The following ACSS3 variants were observed in gnomAD, a reference collection of about 807,000 sequenced individuals.
ACSS3 encodes the protein acyl-CoA synthetase short chain family member 3.
In ACSS3, 64 loss-of-function variants were observed where a neutral mutation model predicts 84.2. That is an observed-to-expected ratio of 0.76 (90% CI 0.62 to 0.94). The LOEUF (loss-of-function observed/expected upper bound fraction) is 0.94, where lower values mean the gene tolerates loss of function less well. ACSS3 is among the 40% of genes least tolerant of loss of function. The pLI, the probability that ACSS3 is intolerant of heterozygous loss-of-function variation, is 0.00. For synonymous variants in ACSS3, 317 were observed against 310.1 expected (o/e 1.02, Z -0.23); for missense variants, 815 against 867.6 (o/e 0.94, Z 0.76).
At chr12:81,187,786 A>C (rs889906561) in intron 8 of ACSS3, among the ~76,000 whole-genome samples, 1 of 151,974 alleles carries the variant, frequency 6.6e-6, no homozygotes, top group Non-Finnish European at 1.5e-5. Flanking sequence ...TAAAAATTTT[A>C]GTTTAGGAGG....
At chr12:81,141,696 G>C (rs35069036) in intron 4 of ACSS3, among the ~76,000 whole-genome samples, 51,848 of 151,990 alleles carry the variant, frequency 0.34, 11,156 homozygotes, top group Non-Finnish European at 0.48. Context: ...TCCTCAATTT[G>C]ATGTTTGTAT....
At chr12:81,114,945 T>G (rs1461464841) in intron 2 of ACSS3, among the ~76,000 whole-genome samples, 1 of 152,178 alleles carries the variant, frequency 6.6e-6, no homozygotes, top group Non-Finnish European at 1.5e-5. Flanking sequence ...TGATTGCTAT[T>G]CAGACATCTA....
intron 2 of ACSS3, chr12:81,125,812 C>A (rs1711594916): frequency 6.6e-6 from 1 of 152,184 alleles, no homozygotes; most frequent in Non-Finnish European, 1.5e-5. Flanking sequence ...CAAATTTAAA[C>A]GTGTCCAATG....
chr12:81,216,720 G>A (rs2032929378), intron 9 of ACSS3, among the ~76,000 whole-genome samples, 181 bp from the exon 10 acceptor site: 1 of 151,976 alleles, frequency 6.6e-6, no homozygotes, highest in South Asian at 2.1e-4. Flanking sequence ...TTAATACTGT[G>A]GATATGTTAT....
intron 9 of ACSS3, among the ~76,000 whole-genome samples, chr12:81,206,952 A>T (rs1441907217): frequency 2.6e-5 from 4 of 152,134 alleles, no homozygotes; most frequent in African/African-American, 7.2e-5. Flanking sequence ...ATCATTTTTT[A>T]AAAAATATAT....
intron 13 of ACSS3, among the ~76,000 whole-genome samples, chr12:81,249,109 G>A (rs1167318717): frequency 6.6e-6 from 1 of 151,958 alleles, no homozygotes; most frequent in East Asian, 1.9e-4. Context: ...GTGTTGATTA[G>A]TTTTTGAAAG....
At chr12:81,217,318 A>G (rs977605428) in intron 10 of ACSS3, among the ~76,000 whole-genome samples, 2 of 152,190 alleles carry the variant, frequency 1.3e-5, no homozygotes, top group Non-Finnish European at 2.9e-5. Flanking sequence ...ATGCTGAAGT[A>G]TATTTAATTC....
intron 8 of ACSS3, among the ~76,000 whole-genome samples, chr12:81,190,442 T>A (rs527345572): frequency 6.6e-6 from 1 of 152,218 alleles, no homozygotes; most frequent in Non-Finnish European, 1.5e-5. Flanking sequence ...AACATGTAAC[T>A]GTTTTTGTAT....
Position 81,258,084 on chromosome 12 carries a change from C to T in ACSS3, c.*3162C>T, listed in dbSNP as rs1312105151. ...AGAAAGCTACTTCTCATTGTTCCTACTCAGGCCACATTTTTAGAAAAAAAT... is the reference window on the plus strand; with the variant it reads ...AGAAAGCTACTTCTCATTGTTCCTATTCAGGCCACATTTTTAGAAAAAAAT... On this transcript the variant is annotated 3_prime_UTR_variant, in exon 16 of 16. Coordinates refer to ENST00000548058, the MANE Select transcript of ACSS3 (RefSeq NM_024560.4). The T allele has an allele frequency of 6.6e-6, 1 of 152,032 alleles. No homozygotes were observed. The highest frequency in any genetic ancestry group is 2.4e-5 in the African/African-American group (1 of 41,426). 9.4% of individuals were successfully genotyped at this position (152,032 alleles called of 1,614,324 possible).
At chr12:81,251,211 A>G (rs986914060) in intron 13 of ACSS3, among the ~76,000 whole-genome samples, 1 of 152,162 alleles carries the variant, frequency 6.6e-6, no homozygotes, top group African/African-American at 2.4e-5. Context: ...ATGGTTGCCA[A>G]GGGTTAGGGG....
intron 7 of ACSS3, among the ~76,000 whole-genome samples, chr12:81,172,299 T>C (rs1390872483): frequency 6.9e-6 from 1 of 145,080 alleles, no homozygotes; most frequent in African/African-American, 2.5e-5. Context: ...TCCATGCCCT[T>C]TTTTTTAGTG....
rs1344547405 is a variant in ACSS3, at chr12:81,259,265, A to C, written c.*4343A>C. On this transcript the variant is annotated 3_prime_UTR_variant, in exon 16 of 16. Coordinates refer to ENST00000548058, the MANE Select transcript of ACSS3 (RefSeq NM_024560.4). The stretch of plus-strand genomic sequence containing the variant: ...GAATTGTCAAATGTTTGCACTCGAG[A>C]CTCCATGAACCATATATTTTATTTT... The C allele has an allele frequency of 3.5e-6, 1 of 289,024 alleles. No individual in the cohort carries two copies. Among genetic ancestry groups the C allele is most frequent in the Middle Eastern group, 1.2e-3 (1 of 838 alleles). 17.9% of individuals were successfully genotyped at this position (289,024 alleles called of 1,614,324 possible). A position where few individuals can be genotyped will look rare whatever the true frequency, so the allele number is the denominator to read the frequency against.
At chr12:81,085,135 C>A (rs778337656) in intron 1 of ACSS3, among the ~76,000 whole-genome samples, 32 of 152,228 alleles carry the variant, frequency 2.1e-4, no homozygotes, top group Admixed American at 7.2e-4. Flanking sequence ...GTTTTGAAGC[C>A]TACTGCTCAA....
chr12:81,251,235 G>A (rs535855661), intron 13 of ACSS3, among the ~76,000 whole-genome samples: 15 of 152,278 alleles, frequency 9.9e-5, no homozygotes, highest in African/African-American at 3.6e-4. Flanking sequence ...GGGAAGGGAT[G>A]AATGAGCAGA....
At chr12:81,084,823 T>C (rs1204566672) in intron 1 of ACSS3, among the ~76,000 whole-genome samples, 3 of 152,186 alleles carry the variant, frequency 2.0e-5, no homozygotes, top group African/African-American at 7.2e-5. Context: ...ATCAAAAAAA[T>C]ATCTGCTGTG....
intron 7 of ACSS3, among the ~76,000 whole-genome samples, chr12:81,173,791 A>G (rs995812865): frequency 9.2e-5 from 14 of 152,142 alleles, no homozygotes; most frequent in Admixed American, 2.6e-4. Flanking sequence ...TCGAGAATTT[A>G]ATCACAGAGG....
chr12:81,105,020 A>C (rs781108449), intron 1 of ACSS3, among the ~76,000 whole-genome samples: 12 of 152,146 alleles, frequency 7.9e-5, no homozygotes, highest in Non-Finnish European at 1.6e-4. Context: ...CAGACCCGAG[A>C]TGTAATATAA....
Position 81,218,498 on chromosome 12 carries a change from A to G in ACSS3, c.1450+1502A>G, listed in dbSNP as rs117739268. ...TGGATCATTTGGTTTAACCTAGCAGATACATTTATAAAAAGATACTTCAGA... is the reference window on the plus strand; with the variant it reads ...TGGATCATTTGGTTTAACCTAGCAGGTACATTTATAAAAAGATACTTCAGA... On this transcript the variant is annotated intron_variant, in intron 10 of 15. Transcript: ENST00000548058. 2.3e-3 allele frequency among the ~76,000 whole-genome samples: 353 copies of G among 152,300 alleles called. 9 individuals are homozygous for G. In the South Asian group the frequency reaches 0.044, roughly 19 times the overall value.
rs551995752 is a variant in ACSS3 at position 81,154,562 on chromosome 12, A to G, written c.1098+2466A>G. ...GTCTTTTAGACCTTTGCCTGCTTCAACTATGCCATCTTTATTTTCTTCTCC... is the reference window on the plus strand; with the variant it reads ...GTCTTTTAGACCTTTGCCTGCTTCAGCTATGCCATCTTTATTTTCTTCTCC... On this transcript the variant is annotated intron_variant, in intron 7 of 15. Coordinates refer to ENST00000548058, the MANE Select transcript of ACSS3 (RefSeq NM_024560.4). Among the ~76,000 whole-genome samples the G allele has an allele frequency of 3.9e-5, 6 of 152,322 alleles. No homozygotes were observed. The South Asian group carries it at 1.0e-3, about 26-fold the overall frequency.
Sources: gnomAD v4.1 joint callset for allele counts (sites outside exome capture counted in the v4.1 genomes callset) on GRCh38, gnomAD v4.1.1 for gene constraint, MANE v1.5 for transcripts, NCBI Gene and HGNC (gene_info 2026-07-23, HGNC 2026-07-21) for gene names.